The following CNIH3 variants were observed in gnomAD, a reference collection of about 807,000 sequenced individuals.
CNIH3 encodes the protein cornichon family AMPA receptor auxiliary protein 3, also known as protein cornichon homolog 3.
Under a neutral mutation model 24.1 loss-of-function variants are expected in CNIH3, and 14 were observed. The ratio of observed to expected loss-of-function variants is 0.58; its 90% CI spans 0.38 to 0.91. The LOEUF (loss-of-function observed/expected upper bound fraction) is 0.91, where lower values mean the gene tolerates loss of function less well. CNIH3 is among the 40% of genes least tolerant of loss of function. The probability of loss-of-function intolerance (pLI) is 0.00; values close to 1 mark genes in which losing one functional copy is unlikely to be tolerated. For synonymous variants in CNIH3, 68 were observed against 73.8 expected, an observed-to-expected ratio of 0.92 and a Z score of 0.40; for missense variants, 178 against 196.8, an observed-to-expected ratio of 0.90 and a Z score of 0.57.
chr1:224,452,563 C>CTT (rs1675451350), intron 1 of CNIH3, among the ~76,000 whole-genome samples: 1 of 148,896 alleles, frequency 6.7e-6, no homozygotes, highest in African/African-American at 2.5e-5. Context: ...GGGCGGATCA[C>CTT]AAGGTCAGGA....
At chr1:224,622,482 A>G (rs1439554708) in intron 1 of CNIH3, among the ~76,000 whole-genome samples, 1 of 152,214 alleles carries the variant, frequency 6.6e-6, no homozygotes, top group African/African-American at 2.4e-5. Flanking sequence ...TTGCATTGCA[A>G]TAACTCTCCC....
At chr1:224,687,685 G>T (rs1304368882) in intron 3 of CNIH3, among the ~76,000 whole-genome samples, 1 of 152,176 alleles carries the variant, frequency 6.6e-6, no homozygotes, top group Admixed American at 6.5e-5. Flanking sequence ...AGGACCACCA[G>T]CTTCGTACCA....
chr1:224,680,713 G>A (rs1399075337), intron 1 of CNIH3, among the ~76,000 whole-genome samples: 15 of 152,132 alleles, frequency 9.9e-5, no homozygotes, highest in Non-Finnish European at 2.1e-4. Flanking sequence ...TTACATCTTT[G>A]TAGAGCACAG....
At chr1:224,511,986 A>T (rs1210262360), upstream of CNIH3, among the ~76,000 whole-genome samples, 1 of 150,082 alleles carries the variant, frequency 6.7e-6, no homozygotes, top group South Asian at 2.1e-4. Flanking sequence ...GACCAGCCTG[A>T]CCAACATGGA....
At chr1:224,510,611 A>C (rs1168555400) in intron 1 of CNIH3, among the ~76,000 whole-genome samples, 1 of 134,236 alleles carries the variant, frequency 7.4e-6, no homozygotes, top group Non-Finnish European at 1.5e-5. Context: ...AAAAAAAACA[A>C]AAAAAAAACA....
At chr1:224,575,318 C>T (rs1680989599) in intron 4 of CNIH3, 1 of 1,030,216 alleles carries the variant, frequency 9.7e-7, no homozygotes. Context: ...TCAGTTACAA[C>T]AGAACTGGAG....
intron 1 of CNIH3, among the ~76,000 whole-genome samples, chr1:224,648,001 C>T (rs989503041): frequency 6.6e-6 from 1 of 152,116 alleles, no homozygotes; most frequent in Non-Finnish European, 1.5e-5. Context: ...AATTCTGTTT[C>T]GGGCATGTTG....
At chr1:224,499,038 G>T (rs372902132) in intron 1 of CNIH3, among the ~76,000 whole-genome samples, 10 of 152,302 alleles carry the variant, frequency 6.6e-5, no homozygotes, top group African/African-American at 2.4e-4. Context: ...TCCGGGAAGG[G>T]GTGCTGGGAG....
rs1683023828 is a variant in CNIH3, at chr1:224,616,825, C to G, written c.-350C>G. On this transcript the variant is annotated 5_prime_UTR_variant, in exon 1 of 6. Transcript: ENST00000272133. ...CTCCCTCGGTCCTCCGTGGAGTCGT[C>G]GCATCGCTTGTCGTGTTGGTCTCGA... 9.0e-7 allele frequency: 1 copy of G among 1,112,400 alleles called. No individual in the cohort carries two copies. The allele number at this position is 1,112,400 out of a possible 1,614,324, so 68.9% of individuals were successfully genotyped here.
intron 1 of CNIH3, among the ~76,000 whole-genome samples, chr1:224,469,443 A>G (rs1168877563): frequency 2.0e-5 from 3 of 152,132 alleles, no homozygotes; most frequent in African/African-American, 7.2e-5. Flanking sequence ...CAAATATTGA[A>G]CTGGCCTTGC....
chr1:224,522,557 A>G (rs1218509372), intron 2 of CNIH3, among the ~76,000 whole-genome samples: 1 of 152,216 alleles, frequency 6.6e-6, no homozygotes, highest in African/African-American at 2.4e-5. Flanking sequence ...ACTCCAGCAA[A>G]TAAATCAGTA....
chr1:224,662,472 G>C (rs1469217669), intron 1 of CNIH3, among the ~76,000 whole-genome samples: 1 of 152,062 alleles, frequency 6.6e-6, no homozygotes, highest in Admixed American at 6.6e-5. Flanking sequence ...TTTTGTTTTG[G>C]CTGGGTTTAT....
intron 1 of CNIH3, among the ~76,000 whole-genome samples, chr1:224,638,583 G>T (rs921304848): frequency 1.3e-5 from 2 of 152,128 alleles, no homozygotes; most frequent in African/African-American, 4.8e-5. Context: ...TAAAAGGAGG[G>T]GTGGCAGGGT....
At chr1:224,690,492 C>A (rs961325953) in intron 3 of CNIH3, among the ~76,000 whole-genome samples, 1 of 152,192 alleles carries the variant, frequency 6.6e-6, no homozygotes, top group Admixed American at 6.5e-5. Context: ...TGATTACAGG[C>A]ACCCGGCCCC....
intron 1 of CNIH3, among the ~76,000 whole-genome samples, chr1:224,462,267 G>A (rs894047394): frequency 2.6e-5 from 4 of 152,272 alleles, no homozygotes; most frequent in Middle Eastern, 3.4e-3. Context: ...AACCTTTAAT[G>A]ATGACATGTA....
intron 1 of CNIH3, among the ~76,000 whole-genome samples, chr1:224,443,464 A>C (rs1675003563): frequency 6.6e-6 from 1 of 152,164 alleles, no homozygotes; most frequent in South Asian, 2.1e-4. Flanking sequence ...AGGAAGCCAC[A>C]GATATCTAAC....
chr1:224,680,624 T>G (rs1267149291), intron 1 of CNIH3, among the ~76,000 whole-genome samples: 1 of 152,232 alleles, frequency 6.6e-6, no homozygotes, highest in African/African-American at 2.4e-5. Context: ...GGAAAGGGGC[T>G]AAAAGTAGTG....
downstream of CNIH3, among the ~76,000 whole-genome samples, chr1:224,591,049 A>T (rs1161399212): frequency 6.6e-6 from 1 of 152,220 alleles, no homozygotes; most frequent in Non-Finnish European, 1.5e-5. Context: ...AATCCAGGTT[A>T]GCATTCAAGG....
intron 5 of CNIH3, among the ~76,000 whole-genome samples, chr1:224,585,290 C>G (rs1337390327): frequency 6.6e-6 from 1 of 152,128 alleles, no homozygotes; most frequent in Non-Finnish European, 1.5e-5. Flanking sequence ...CAAAGCCTTC[C>G]AGACCCCGCA....
Sources: allele counts gnomAD v4.1 joint callset (sites outside exome capture counted in the v4.1 genomes callset), GRCh38; gene constraint gnomAD v4.1.1; transcripts MANE v1.5; gene names NCBI Gene and HGNC (gene_info 2026-07-23, HGNC 2026-07-21).